The following GALNT17 variants were observed in gnomAD, a reference collection of about 807,000 sequenced individuals.
The protein encoded by GALNT17 is polypeptide N-acetylgalactosaminyltransferase 17, also known as UDP-GalNAc:polypeptide N-acetylgalactosaminyltransferase-like 3.
GALNT17 carries 29 observed loss-of-function variants against 63.7 expected under a neutral mutation model. The observed-to-expected ratio is 0.46, with a 90% confidence interval of 0.34 to 0.62. The LOEUF is 0.62. GALNT17 is among the 20% of genes least tolerant of loss of function. The pLI is 0.01. For missense variants in GALNT17, 603 were observed against 799.6 expected (o/e 0.75, Z 2.97); for synonymous variants, 305 against 318.3 (o/e 0.96, Z 0.45).
intron 6 of GALNT17, among the ~76,000 whole-genome samples, chr7:71,640,064 A>G (rs1790582626): frequency 6.6e-6 from 1 of 152,242 alleles, no homozygotes; most frequent in Non-Finnish European, 1.5e-5. Context: ...CGACAAAATG[A>G]TAAATCATGC....
At chr7:71,269,674 G>A (rs1464853466) in intron 1 of GALNT17, among the ~76,000 whole-genome samples, 1 of 152,198 alleles carries the variant, frequency 6.6e-6, no homozygotes, top group African/African-American at 2.4e-5. Flanking sequence ...ATGAATGGAA[G>A]TGTTCACAGG....
intron 1 of GALNT17, among the ~76,000 whole-genome samples, chr7:71,135,882 G>C (rs1443136497): frequency 6.6e-6 from 1 of 152,280 alleles, no homozygotes; most frequent in East Asian, 1.9e-4. Flanking sequence ...CAGGTGCTGT[G>C]GGGTGGGAAG....
At chr7:71,330,456 G>A (rs996971928) in intron 1 of GALNT17, among the ~76,000 whole-genome samples, 5 of 152,136 alleles carry the variant, frequency 3.3e-5, no homozygotes, top group Non-Finnish European at 5.9e-5. Flanking sequence ...GGAGTGCAGT[G>A]GTGTAATCAT....
chr7:71,422,419 T>A (rs892705207), intron 5 of GALNT17, among the ~76,000 whole-genome samples: 2 of 152,256 alleles, frequency 1.3e-5, no homozygotes, highest in Non-Finnish European at 2.9e-5. Context: ...GCAAAGTTCT[T>A]TTCCTAAATA....
At chr7:71,162,314 T>G (rs1374583478) in intron 1 of GALNT17, among the ~76,000 whole-genome samples, 1 of 151,882 alleles carries the variant, frequency 6.6e-6, no homozygotes, top group Non-Finnish European at 1.5e-5. Flanking sequence ...TTCCTTTGCC[T>G]TTATATATTT....
chr7:71,642,653 TG>T (rs553345165), intron 6 of GALNT17, among the ~76,000 whole-genome samples: 247 of 152,174 alleles, frequency 1.6e-3, no homozygotes, highest in African/African-American at 5.7e-3. Context: ...CTGACCAACA[TG>T]GTGAAATCCC....
intron 3 of GALNT17, 102 bp downstream of exon 3, chr7:71,388,503 G>A: frequency 3.6e-6 from 5 of 1,379,964 alleles, no homozygotes; most frequent in Non-Finnish European, 4.9e-6. Context: ...CTGGTCCCTG[G>A]AGCATATCTG....
intron 6 of GALNT17, among the ~76,000 whole-genome samples, chr7:71,605,547 C>T (rs528279183): frequency 1.3e-5 from 2 of 149,744 alleles, no homozygotes; most frequent in African/African-American, 5.0e-5. Flanking sequence ...GATAGCACCA[C>T]TGCACTCCAG....
chr7:71,251,025 AT>A (rs1203588893), intron 1 of GALNT17, among the ~76,000 whole-genome samples: 6 of 152,180 alleles, frequency 3.9e-5, no homozygotes, highest in Non-Finnish European at 8.8e-5. Flanking sequence ...TTATTTATTT[AT>A]TTTTTGTTAT....
Position 71,712,291 on chromosome 7 carries a change from G to T in GALNT17, c.*145G>T. Reference sequence around the variant, plus strand: ...CAGGGCTTCTCCAGGGCAGCACAGGGACCCCGGATGAAGACTCTGTCCCCC... The same window carrying T: ...CAGGGCTTCTCCAGGGCAGCACAGGTACCCCGGATGAAGACTCTGTCCCCC... On this transcript the variant is annotated 3_prime_UTR_variant, in exon 11 of 11. Coordinates refer to ENST00000333538, the MANE Select transcript of GALNT17 (RefSeq NM_022479.3). 4 of 1,093,242 alleles carry T rather than the reference G, an allele frequency of 3.7e-6. No homozygotes were observed. Among genetic ancestry groups the T allele is most frequent in the Non-Finnish European group, 5.0e-6 (4 of 797,042 alleles). The allele number at this position is 1,093,242 out of a possible 1,614,324, so 67.7% of individuals were successfully genotyped here. A position where few individuals can be genotyped will look rare whatever the true frequency, so the allele number is the denominator to read the frequency against.
At chr7:71,473,960 C>T (rs980487384) in intron 5 of GALNT17, among the ~76,000 whole-genome samples, 3 of 152,076 alleles carry the variant, frequency 2.0e-5, no homozygotes, top group African/African-American at 7.2e-5. Context: ...AATGGCTACT[C>T]CATAGGCAGA....
intron 2 of GALNT17, among the ~76,000 whole-genome samples, chr7:71,377,107 TAAAAAAA>T (rs1237223835): frequency 6.9e-4 from 40 of 57,726 alleles, no homozygotes; most frequent in African/African-American, 1.5e-3. Flanking sequence ...AAAATAAAAA[TAAAAAAA>T]ATATATATAT....
At chr7:71,288,177 C>G (rs1008583851) in intron 1 of GALNT17, among the ~76,000 whole-genome samples, 33 of 135,536 alleles carry the variant, frequency 2.4e-4, no homozygotes, top group South Asian at 7.2e-4. Flanking sequence ...GATTGCACCA[C>G]TGCACTCTAG....
intron 4 of GALNT17, among the ~76,000 whole-genome samples, chr7:71,417,252 C>T (rs1786552338): frequency 6.6e-6 from 1 of 152,106 alleles, no homozygotes; most frequent in Non-Finnish European, 1.5e-5. Context: ...TTGCAACAAC[C>T]TCTAGAATCC....
chr7:71,565,761 C>G (rs1357411887), intron 5 of GALNT17, among the ~76,000 whole-genome samples: 1 of 152,040 alleles, frequency 6.6e-6, no homozygotes, highest in Non-Finnish European at 1.5e-5. Flanking sequence ...GATACAAACA[C>G]AAATCTCTGA....
chr7:71,139,340 C>T (rs1211062490), intron 1 of GALNT17, among the ~76,000 whole-genome samples: 3 of 152,186 alleles, frequency 2.0e-5, no homozygotes, highest in Admixed American at 6.5e-5. Context: ...ACACGCAGGA[C>T]GCACAGCAGA....
chr7:71,619,927 G>T (rs929568013), intron 6 of GALNT17, among the ~76,000 whole-genome samples: 2 of 152,178 alleles, frequency 1.3e-5, no homozygotes, highest in South Asian at 4.1e-4. Context: ...GCTGTGGTTT[G>T]TCATAGATGG....
chr7:71,205,616 G>T (rs1253563828), intron 1 of GALNT17, among the ~76,000 whole-genome samples: 1 of 151,888 alleles, frequency 6.6e-6, no homozygotes, highest in East Asian at 1.9e-4. Flanking sequence ...GTAGAGATGG[G>T]GTCTTGTTAT....
intron 6 of GALNT17, among the ~76,000 whole-genome samples, chr7:71,657,393 T>C (rs920725386): frequency 2.6e-5 from 4 of 152,190 alleles, no homozygotes; most frequent in African/African-American, 4.8e-5. Flanking sequence ...ACATCAAAAA[T>C]GTTTGGAGCC....
Sources: allele counts gnomAD v4.1 joint callset (sites outside exome capture counted in the v4.1 genomes callset), GRCh38; gene constraint gnomAD v4.1.1; transcripts MANE v1.5; gene names NCBI Gene and HGNC (gene_info 2026-07-23, HGNC 2026-07-21).